ACSS3: variants seen among roughly 807,000 people sequenced by gnomAD.
ACSS3 encodes acyl-CoA synthetase short-chain family member 3, mitochondrial.
A neutral mutation model predicts 84.2 loss-of-function variants in ACSS3; 64 were observed. That is an observed-to-expected ratio of 0.76 (90% confidence interval 0.62 to 0.94). The LOEUF (loss-of-function observed/expected upper bound fraction) is 0.94, where lower values mean the gene tolerates loss of function less well. Ranked by LOEUF, ACSS3 falls within the 40% of genes least tolerant of loss-of-function variation. The pLI is 0.00. For synonymous variants in ACSS3, 317 were observed against 310.1 expected, an observed-to-expected ratio of 1.02 and a Z score of -0.23; for missense variants, 815 against 867.6, an observed-to-expected ratio of 0.94 and a Z score of 0.76.
At chr12:81,208,504 C>T (rs907938140) in intron 9 of ACSS3, among the ~76,000 whole-genome samples, 1 of 152,094 alleles carries the variant, frequency 6.6e-6, no homozygotes, top group African/African-American at 2.4e-5. Context: ...ACCTTTTGAT[C>T]TTGAGTATAA....
At chr12:81,166,355 G>A (rs1415584386) in intron 7 of ACSS3, among the ~76,000 whole-genome samples, 1 of 152,184 alleles carries the variant, frequency 6.6e-6, no homozygotes, top group Non-Finnish European at 1.5e-5. Flanking sequence ...AACTGGTGGA[G>A]AGGGAAGCAA....
At chr12:81,145,747 C>T (rs1566002288) in intron 5 of ACSS3, among the ~76,000 whole-genome samples, 1 of 152,156 alleles carries the variant, frequency 6.6e-6, no homozygotes, top group Non-Finnish European at 1.5e-5. Context: ...TTGACATACT[C>T]ATCATGATGT....
intron 2 of ACSS3, among the ~76,000 whole-genome samples, chr12:81,123,580 G>C (rs1197769613): frequency 6.6e-6 from 1 of 151,922 alleles, no homozygotes; most frequent in Non-Finnish European, 1.5e-5. Flanking sequence ...GATGAGCACA[G>C]TACCTGATAG....
intron 2 of ACSS3, among the ~76,000 whole-genome samples, chr12:81,126,234 C>G (rs552417604): frequency 6.6e-6 from 1 of 152,330 alleles, no homozygotes; most frequent in East Asian, 1.9e-4. Flanking sequence ...ATATTGGCAG[C>G]AACTCTCCAG....
At chr12:81,212,470 C>T (rs1415885052) in intron 9 of ACSS3, among the ~76,000 whole-genome samples, 1 of 152,202 alleles carries the variant, frequency 6.6e-6, no homozygotes, top group Non-Finnish European at 1.5e-5. Context: ...CTGTCTGTTA[C>T]TTGAGAGCTT....
chr12:81,205,877 G>T (rs1298235792), intron 9 of ACSS3, among the ~76,000 whole-genome samples: 2 of 152,078 alleles, frequency 1.3e-5, no homozygotes, highest in African/African-American at 4.8e-5. Context: ...GTTAGCGTGT[G>T]ACTTTCTTCG....
At chr12:81,234,358 C>A (rs1371387576) in intron 13 of ACSS3, among the ~76,000 whole-genome samples, 1 of 151,314 alleles carries the variant, frequency 6.6e-6, no homozygotes, top group East Asian at 1.9e-4. Context: ...CTGTTATACA[C>A]ATTCAAATAC....
At chr12:81,146,360 T>A (rs993756469) in intron 5 of ACSS3, among the ~76,000 whole-genome samples, 5 of 152,308 alleles carry the variant, frequency 3.3e-5, no homozygotes, top group African/African-American at 1.2e-4. Context: ...AATGTAAGTA[T>A]AGGAAAAATA....
intron 8 of ACSS3, among the ~76,000 whole-genome samples, chr12:81,196,179 A>G (rs2031819489): frequency 6.6e-6 from 1 of 152,126 alleles, no homozygotes. Flanking sequence ...TATTAAATTA[A>G]AATTTTTCTT....
At chr12:81,081,719 A>G (rs1054541226) in intron 1 of ACSS3, among the ~76,000 whole-genome samples, 2 of 152,224 alleles carry the variant, frequency 1.3e-5, no homozygotes, top group African/African-American at 2.4e-5. Context: ...ACAACATTCA[A>G]TGATAGGATT....
chr12:81,088,317 G>C (rs1229497483), intron 1 of ACSS3, among the ~76,000 whole-genome samples: 1 of 152,050 alleles, frequency 6.6e-6, no homozygotes, highest in Non-Finnish European at 1.5e-5. Context: ...CTGAGATTTT[G>C]CAATCGTTAC....
In ACSS3 at chr12:81,109,548, A is replaced by G; in HGVS notation, c.312-12A>G. ...AGCCATCATTCACCTTTACTTTCCA[A>G]TTATTTTTCAGGTTTGTGGAAGGAA... On this transcript the variant is annotated splice_polypyrimidine_tract_variant and intron_variant, in intron 1 of 15. Transcript: ENST00000548058. The G allele has an allele frequency of 6.3e-7, 1 of 1,599,224 alleles. No individual in the cohort carries two copies. Among genetic ancestry groups the G allele is most frequent in the Non-Finnish European group, 8.5e-7 (1 of 1,174,982 alleles).
chr12:81,081,738 C>T (rs922962282), intron 1 of ACSS3, among the ~76,000 whole-genome samples: 5 of 152,128 alleles, frequency 3.3e-5, no homozygotes, highest in Non-Finnish European at 7.4e-5. Context: ...TTCTCATATA[C>T]CATTTGTTTA....
At chr12:81,240,254 G>C (rs563622908) in intron 13 of ACSS3, among the ~76,000 whole-genome samples, 4 of 151,900 alleles carry the variant, frequency 2.6e-5, no homozygotes, top group Admixed American at 1.3e-4. Context: ...ATGCCCTAAG[G>C]ATCATCATGC....
chr12:81,220,486 G>A lies in ACSS3; in HGVS notation c.1514+410G>A, dbSNP rs181854430. 8.6e-5 allele frequency among the ~76,000 whole-genome samples: 13 copies of A among 151,888 alleles called. No individual in the cohort carries two copies. The East Asian group carries it at 1.9e-3, about 23-fold the overall frequency. On this transcript the variant is annotated intron_variant, in intron 11 of 15. Transcript: ENST00000548058. ...AGATTCAGGGGTACATTACAAGTTC[G>A]TTTCATGGGTATATTGCATAATCCT...
intron 2 of ACSS3, among the ~76,000 whole-genome samples, chr12:81,128,779 C>T (rs1242645843): frequency 6.6e-6 from 1 of 152,012 alleles, no homozygotes; most frequent in African/African-American, 2.4e-5. Flanking sequence ...AAAATAATAC[C>T]TGTTTTCTTC....
At chr12:81,109,264 G>T (rs1883359456) in intron 1 of ACSS3, among the ~76,000 whole-genome samples, 1 of 152,024 alleles carries the variant, frequency 6.6e-6, no homozygotes, top group Non-Finnish European at 1.5e-5. Context: ...GGCTGATTTT[G>T]GTGCTCTATA....
At chr12:81,176,212 A>C (rs956274878) in intron 8 of ACSS3, among the ~76,000 whole-genome samples, 2 of 152,236 alleles carry the variant, frequency 1.3e-5, no homozygotes, top group Admixed American at 6.5e-5. Flanking sequence ...GACAATTACA[A>C]ATACCTCTAT....
At chr12:81,204,503 A>G (rs1041752314) in intron 9 of ACSS3, among the ~76,000 whole-genome samples, 1 of 151,996 alleles carries the variant, frequency 6.6e-6, no homozygotes, top group Non-Finnish European at 1.5e-5. Context: ...AATGATTGTA[A>G]CAAAACATCC....
Sources: allele counts gnomAD v4.1 joint callset (sites outside exome capture counted in the v4.1 genomes callset), GRCh38; gene constraint gnomAD v4.1.1; transcripts MANE v1.5; gene names NCBI Gene and HGNC (gene_info 2026-07-23, HGNC 2026-07-21).